BANP: variants seen among roughly 807,000 people sequenced by gnomAD.
BANP encodes the protein protein BANP.
In BANP, 11 loss-of-function variants were observed where a neutral mutation model predicts 68.1. That is an observed-to-expected ratio of 0.16 (90% CI 0.10 to 0.27). The LOEUF is 0.27. Ranked by LOEUF, BANP falls within the 10% of genes least tolerant of loss-of-function variation. BANP has a pLI of 1.00. For synonymous variants in BANP, 329 were observed against 303.2 expected (o/e 1.09, Z -0.88); for missense variants, 504 against 722.7 (o/e 0.70, Z 3.47).
rs771233485 is a variant in BANP, at chr16:88,036,560, CA to C, written c.1272+1167del. On this transcript the variant is annotated intron_variant, in intron 10 of 13. Transcript: ENST00000682872. This position sits in a 1 kb window ranked among gnomAD's most constrained non-coding sequence, Gnocchi z 4.2. Reference sequence around the variant, plus strand: ...CTGCTGGCAGTGGCTTTAATTTGGACACCAGCAGTTCCCGGTGGGTTATCCT... The same window carrying C: ...CTGCTGGCAGTGGCTTTAATTTGGACCCAGCAGTTCCCGGTGGGTTATCCT... 1.4e-4 allele frequency among the ~76,000 whole-genome samples: 21 copies of C among 152,146 alleles called. No individual in the cohort carries two copies. Among genetic ancestry groups the C allele is most frequent in the Non-Finnish European group, 3.1e-4 (21 of 68,028 alleles).
At chr16:88,015,337 C>A (rs553556050) in intron 6 of BANP, among the ~76,000 whole-genome samples, 26 of 151,656 alleles carry the variant, frequency 1.7e-4, no homozygotes, top group African/African-American at 5.8e-4. Flanking sequence ...CTCTGCCCGT[C>A]CCTCTGCCAG....
chr16:88,009,950 TAAG>T (rs777448512), intron 6 of BANP, among the ~76,000 whole-genome samples: 2 of 152,086 alleles, frequency 1.3e-5, no homozygotes, highest in Non-Finnish European at 1.5e-5. Flanking sequence ...CTCATTGGAA[TAAG>T]AAGGACTGTA....
At chr16:87,989,034 C>T (rs546375254) in intron 4 of BANP, among the ~76,000 whole-genome samples, 5 of 152,298 alleles carry the variant, frequency 3.3e-5, no homozygotes, top group South Asian at 2.1e-4. Context: ...CTGCTTGCCT[C>T]GCTTGGCATT....
intron 1 of BANP, among the ~76,000 whole-genome samples, chr16:87,965,486 G>A (rs1044150808): frequency 2.6e-5 from 4 of 152,112 alleles, no homozygotes; most frequent in Non-Finnish European, 5.9e-5. Flanking sequence ...CTGACTGGGT[G>A]TGGGGCACAT....
intron 12 of BANP, among the ~76,000 whole-genome samples, chr16:88,066,407 T>C (rs1260452848): frequency 6.6e-6 from 1 of 152,156 alleles, no homozygotes; most frequent in African/African-American, 2.4e-5. Context: ...GCCTTATGGA[T>C]TGCTGGGTAC....
chr16:88,005,882 T>G (rs2070916872), intron 5 of BANP, among the ~76,000 whole-genome samples: 1 of 152,210 alleles, frequency 6.6e-6, no homozygotes, highest in Non-Finnish European at 1.5e-5. Flanking sequence ...TTTAAATGGT[T>G]AAGTTTTATT....
At chr16:87,963,845 C>G (rs1165007235) in intron 1 of BANP, among the ~76,000 whole-genome samples, 1 of 152,192 alleles carries the variant, frequency 6.6e-6, no homozygotes, top group Non-Finnish European at 1.5e-5. Context: ...TTAACTTTGA[C>G]TGTTAAAGCC....
chr16:88,035,191 G>C, intron 9 of BANP, 132 bp from the exon 10 acceptor site: 1 of 825,216 alleles, frequency 1.2e-6, no homozygotes, highest in Non-Finnish European at 2.0e-6. Flanking sequence ...AGACTATATT[G>C]CACTATTCAG....
At chr16:87,999,149 T>G (rs1273627962) in intron 4 of BANP, among the ~76,000 whole-genome samples, 19 of 142,058 alleles carry the variant, frequency 1.3e-4, no homozygotes, top group Middle Eastern at 4.5e-3. Flanking sequence ...TGCATGGCTG[T>G]ACTTACCTGT....
chr16:87,962,269 T>C (rs4843749), intron 1 of BANP, among the ~76,000 whole-genome samples: 111,965 of 138,914 alleles, frequency 0.81, 46,389 homozygotes, highest in African/African-American at 0.94. Flanking sequence ...AAGCACATTT[T>C]TTTCCTTTAT....
intron 11 of BANP, among the ~76,000 whole-genome samples, chr16:88,063,769 C>T (rs1203957571): frequency 6.6e-6 from 1 of 152,196 alleles, no homozygotes; most frequent in Non-Finnish European, 1.5e-5. Flanking sequence ...GACAAGACTT[C>T]TCACATGATC....
intron 11 of BANP, among the ~76,000 whole-genome samples, chr16:88,041,138 A>G (rs1244151394): frequency 6.6e-6 from 1 of 151,876 alleles, no homozygotes; most frequent in Non-Finnish European, 1.5e-5. Context: ...CTCCTATTCC[A>G]CTTCTGAGAT....
Position 88,061,584 on chromosome 16 carries a change from C to T in BANP, c.1312-3683C>T, listed in dbSNP as rs2086802350. On this transcript the variant is annotated intron_variant, in intron 11 of 13. Transcript: ENST00000682872. ...ATGAGGATGTGGCCTTTCGGCATTT[C>T]TTGTAGGAACGTAGGAGAAAGATTT... 2.6e-5 allele frequency among the ~76,000 whole-genome samples: 4 copies of T among 152,092 alleles called. 1 individual carries two copies. Among genetic ancestry groups the T allele is most frequent in the Admixed American group, 2.6e-4 (4 of 15,284 alleles).
intron 7 of BANP, among the ~76,000 whole-genome samples, chr16:88,021,478 G>A (rs561213883): frequency 2.4e-4 from 37 of 152,344 alleles, no homozygotes; most frequent in East Asian, 7.7e-4. Flanking sequence ...CCACAGGGCC[G>A]TGTGGAGGGG....
intron 6 of BANP, among the ~76,000 whole-genome samples, chr16:88,015,717 C>T (rs2074385491): frequency 6.6e-6 from 1 of 152,286 alleles, no homozygotes; most frequent in African/African-American, 2.4e-5. Flanking sequence ...AGGTCTCGCG[C>T]TCCAGGAGCT....
intron 7 of BANP, among the ~76,000 whole-genome samples, chr16:88,024,756 G>A (rs1438102676): frequency 2.0e-5 from 3 of 152,268 alleles, no homozygotes; most frequent in African/African-American, 4.8e-5. Flanking sequence ...GGCCTGGAGC[G>A]CAGACGGAAG....
chr16:88,065,524 A>C (rs2088284530), intron 12 of BANP, among the ~76,000 whole-genome samples, 192 bp downstream of exon 12: 1 of 152,140 alleles, frequency 6.6e-6, no homozygotes, highest in African/African-American at 2.4e-5. Context: ...GGGCCCAGGG[A>C]TTGGGACCTG....
chr16:88,023,487 C>T (rs559856328), intron 7 of BANP, among the ~76,000 whole-genome samples: 1 of 138,824 alleles, frequency 7.2e-6, no homozygotes, highest in African/African-American at 2.6e-5. Flanking sequence ...TTCTAGGCAG[C>T]GCTGTCACGT....
chr16:88,025,478 A>G (rs983471739), intron 7 of BANP, among the ~76,000 whole-genome samples: 3 of 152,168 alleles, frequency 2.0e-5, no homozygotes, highest in African/African-American at 7.2e-5. Context: ...TGCTTCCTGT[A>G]TGGCTTCTTT....
Sources: allele counts gnomAD v4.1 joint callset (sites outside exome capture counted in the v4.1 genomes callset), GRCh38; gene constraint gnomAD v4.1.1; non-coding constraint Gnocchi (gnomAD v3.1); transcripts MANE v1.5; gene names NCBI Gene and HGNC (gene_info 2026-07-23, HGNC 2026-07-21).